The following BCL11A variants were observed in gnomAD, a reference collection of about 807,000 sequenced individuals.
The protein encoded by BCL11A is BCL11 transcription factor A.
Under a neutral mutation model 55.9 loss-of-function variants are expected in BCL11A, and 2 were observed. The observed-to-expected ratio is 0.04, with a 90% CI of 0.01 to 0.11. The LOEUF (loss-of-function observed/expected upper bound fraction) is 0.11, where lower values mean the gene tolerates loss of function less well. Among genes scored for constraint, BCL11A ranks in the 10% least tolerant of loss-of-function variants. The probability of loss-of-function intolerance (pLI) is 1.00; values close to 1 mark genes in which losing one functional copy is unlikely to be tolerated. For missense variants in BCL11A, 817 were observed against 1,137.1 expected, an observed-to-expected ratio of 0.72 and a Z score of 4.05; for synonymous variants, 465 against 473.4, an observed-to-expected ratio of 0.98 and a Z score of 0.23.
chr2:60,460,265 CTGTT>C lies in BCL11A; in HGVS notation c.*135_*138del, dbSNP rs201706698. ...TCTCATATTCTTAGCTTCGTTACTTCTGTTTGTTTGTTTGTTTGTTTAAATCACA... is the reference window on the plus strand; with the variant it reads ...TCTCATATTCTTAGCTTCGTTACTTCTGTTTGTTTGTTTGTTTAAATCACA... On this transcript the variant is annotated 3_prime_UTR_variant, in exon 4 of 4. Transcript: ENST00000642384. 302 of 1,423,268 alleles carry C rather than the reference CTGTT, an allele frequency of 2.1e-4. No homozygotes were observed. The highest frequency in any genetic ancestry group is 6.0e-4 in the East Asian group (24 of 40,074). 88.2% of individuals were successfully genotyped at this position (1,423,268 alleles called of 1,614,324 possible). A position where few individuals can be genotyped will look rare whatever the true frequency, so the allele number is the denominator to read the frequency against.
chr2:60,501,974 A>T (rs1012563711), intron 2 of BCL11A, among the ~76,000 whole-genome samples: 1 of 152,224 alleles, frequency 6.6e-6, no homozygotes, highest in Non-Finnish European at 1.5e-5. Flanking sequence ...ATAAAGTAGT[A>T]TTATGTTTCT....
At chr2:60,550,594 C>T (rs1029086081) in intron 1 of BCL11A, among the ~76,000 whole-genome samples, 1 of 151,820 alleles carries the variant, frequency 6.6e-6, no homozygotes, top group African/African-American at 2.4e-5. Context: ...ACCGGGATGG[C>T]TCCTGCCCCC....
At position 60,459,216 on chromosome 2, in the gene BCL11A, C is replaced by A; in HGVS notation, c.*1188G>T. ...TGGTATACAAGGTCTTAAAGTTTAT[C>A]ATTTGATTGTCCACTTGACAACCAA... is the stretch of plus-strand genomic sequence containing the variant. On this transcript the variant is annotated 3_prime_UTR_variant, in exon 4 of 4. Transcript: ENST00000642384. The A allele has an allele frequency of 9.8e-7, 1 of 1,020,872 alleles. No individual in the cohort carries two copies. The highest frequency in any genetic ancestry group is 1.2e-6 in the Non-Finnish European group (1 of 850,464). The allele number at this position is 1,020,872 out of a possible 1,614,324, so 63.2% of individuals were successfully genotyped here.
At chr2:60,455,836 T>A (rs1675912127), downstream of BCL11A, among the ~76,000 whole-genome samples, 1 of 152,234 alleles carries the variant, frequency 6.6e-6, no homozygotes, top group South Asian at 2.1e-4. Flanking sequence ...AAAGCTGGCA[T>A]GGCACTGGGG....
intron 2 of BCL11A, among the ~76,000 whole-genome samples, chr2:60,530,026 G>C (rs1421566008): frequency 6.6e-6 from 1 of 152,144 alleles, no homozygotes; most frequent in Non-Finnish European, 1.5e-5. Flanking sequence ...AAAAATGTCA[G>C]GAAGTTATTG....
chr2:60,468,050 C>CTTTG (rs373325713), intron 3 of BCL11A, among the ~76,000 whole-genome samples: 2 of 9,258 alleles, frequency 2.2e-4, no homozygotes, highest in Non-Finnish European at 2.1e-4. Flanking sequence ...GGTGATGGTA[C>CTTTG]TGGTGGTGAT....
Position 60,461,290 on chromosome 2 carries a change from C to A in BCL11A, c.1622G>T (p.Arg541Leu). 6.3e-7 allele frequency: 1 copy of A among 1,595,760 alleles called. No homozygotes were observed. Among genetic ancestry groups the A allele is most frequent in the African/African-American group, 1.3e-5 (1 of 74,614 alleles). ...GAVVGVGDES[R>L]ALPDVMQGMV... ...GCCCTGCATGACGTCGGGCAGGGCG[C>A]GGCTCTCGTCGCCCACGCCCACGAC... is the stretch of plus-strand genomic sequence containing the variant. The change falls in exon 4 of 4, where the codon CGC becomes CTC. Residue 541 changes from arginine to leucine, a missense_variant. This residue lies in a region of BCL11A where 379 missense variants were observed against 425.3 expected (regional missense o/e 0.89). Transcript: ENST00000642384.
chr2:60,516,807 A>C (rs893650335), intron 2 of BCL11A, among the ~76,000 whole-genome samples: 2 of 152,218 alleles, frequency 1.3e-5, no homozygotes, highest in African/African-American at 4.8e-5. Flanking sequence ...CATAAGACTA[A>C]AGAATGTGGA....
At chr2:60,490,747 T>A (rs956364102) in intron 2 of BCL11A, among the ~76,000 whole-genome samples, 9 of 152,186 alleles carry the variant, frequency 5.9e-5, no homozygotes, top group African/African-American at 2.2e-4. Context: ...TCTATTATAT[T>A]TGAAAGTACC....
rs950776069 is a variant in BCL11A, at chr2:60,468,884, A to G, written c.386-51T>C. 5 of 1,117,674 alleles carry G rather than the reference A, an allele frequency of 4.5e-6. No homozygotes were observed. The African/African-American group carries it at 7.8e-5, about 17-fold the overall frequency. The allele number at this position is 1,117,674 out of a possible 1,614,324, so 69.2% of individuals were successfully genotyped here. A position where few individuals can be genotyped will look rare whatever the true frequency, so the allele number is the denominator to read the frequency against. On this transcript the variant is annotated intron_variant, in intron 2 of 3. Coordinates refer to ENST00000642384, the MANE Select transcript of BCL11A (RefSeq NM_022893.4). The stretch of plus-strand genomic sequence containing the variant: ...ACTACAGCTACAAACAACGTGCATC[A>G]TAAACCACAGGATATCACATTTCAA...
At chr2:60,537,207 T>G (rs1669708331) in intron 2 of BCL11A, 1 of 152,246 alleles carries the variant, frequency 6.6e-6, no homozygotes, top group Non-Finnish European at 1.5e-5. Flanking sequence ...ATGAGAAGGT[T>G]ACGATTTATT....
chr2:60,535,902 T>C (rs1358738297), intron 2 of BCL11A: 2 of 152,198 alleles, frequency 1.3e-5, no homozygotes, highest in African/African-American at 2.4e-5. Context: ...TTTGCAGGCT[T>C]TCCAATTACT....
chr2:60,509,858 C>A lies in BCL11A; in HGVS notation c.385+36113G>T, dbSNP rs1679885017. Among the ~76,000 whole-genome samples the A allele has an allele frequency of 2.0e-5, 3 of 152,200 alleles. No individual in the cohort carries two copies. The South Asian group carries it at 6.2e-4, about 32-fold the overall frequency. On this transcript the variant is annotated intron_variant, in intron 2 of 3. Coordinates refer to ENST00000642384, the MANE Select transcript of BCL11A (RefSeq NM_022893.4). ...CTGAAGTCCTGAAGTGGTGAAGGAG[C>A]CCCAGACACACCCATCCTCTGAGCA...
chr2:60,539,207 A>G (rs1304811033), intron 2 of BCL11A, among the ~76,000 whole-genome samples: 1 of 152,264 alleles, frequency 6.6e-6, no homozygotes, highest in Non-Finnish European at 1.5e-5. Flanking sequence ...TGGTGGAAGA[A>G]GCATTAATAT....
intron 2 of BCL11A, among the ~76,000 whole-genome samples, chr2:60,515,295 C>A (rs1668683518): frequency 6.6e-6 from 1 of 152,194 alleles, no homozygotes. Context: ...CACACCTTCC[C>A]TGGACAGGGA....
At chr2:60,548,728 A>G (rs751089330) in intron 1 of BCL11A, among the ~76,000 whole-genome samples, 7 of 152,226 alleles carry the variant, frequency 4.6e-5, no homozygotes, top group African/African-American at 7.2e-5. Flanking sequence ...CTTGCAAAAC[A>G]TTTGGCTAGT....
At chr2:60,526,583 T>C (rs1037464657) in intron 2 of BCL11A, 3 of 152,230 alleles carry the variant, frequency 2.0e-5, no homozygotes, top group African/African-American at 7.2e-5. Context: ...CTGATTTTAA[T>C]CTGCAGCGCA....
rs1160377908 is a variant in BCL11A, at chr2:60,553,558, A to C, written c.-288T>G. 2 of 391,592 alleles carry C rather than the reference A, an allele frequency of 5.1e-6. No homozygotes were observed. Among genetic ancestry groups the C allele is most frequent in the Non-Finnish European group, 8.7e-6 (2 of 229,704 alleles). The allele number at this position is 391,592 out of a possible 1,614,324, so 24.3% of individuals were successfully genotyped here. On this transcript the variant is annotated 5_prime_UTR_variant, in exon 1 of 4. Transcript: ENST00000642384. ...GATAGAGGGAGAGAGAGAGAGAGAGATGAAAAAAATGGCAAAAGCCCCCCT... is the reference window on the plus strand; with the variant it reads ...GATAGAGGGAGAGAGAGAGAGAGAGCTGAAAAAAATGGCAAAAGCCCCCCT...
In BCL11A at chr2:60,546,312, G is replaced by C. The variant is rs757316156; in HGVS notation, c.56-12C>G. On this transcript the variant is annotated splice_polypyrimidine_tract_variant and intron_variant, in intron 1 of 3. Transcript: ENST00000642384. This position sits in a 1 kb window ranked among gnomAD's most constrained non-coding sequence, Gnocchi z 4.1. ...TTCAAGAGGCTCGGCTGTGGTTGGA[G>C]AAACAAAAGCACAATTATTAGAGTG... The C allele has an allele frequency of 1.2e-6, 2 of 1,608,666 alleles. No individual in the cohort carries two copies. Among genetic ancestry groups the C allele is most frequent in the Non-Finnish European group, 1.7e-6 (2 of 1,176,654 alleles).
Sources: gnomAD v4.1 joint callset for allele counts (sites outside exome capture counted in the v4.1 genomes callset) on GRCh38, gnomAD v4.1.1 for gene constraint, gnomAD v4.1.1 regional missense constraint, Gnocchi (gnomAD v3.1) non-coding constraint, MANE v1.5 for transcripts, NCBI Gene and HGNC (gene_info 2026-07-23, HGNC 2026-07-21) for gene names.